MGAT4B: variants seen among roughly 807,000 people sequenced by gnomAD.
The protein encoded by MGAT4B is N-acetylglucosaminyltransferase IVb.
MGAT4B carries 38 observed loss-of-function variants against 73.9 expected under a neutral mutation model. The observed-to-expected ratio is 0.51, with a 90% CI of 0.40 to 0.67. The LOEUF (loss-of-function observed/expected upper bound fraction) is 0.67. MGAT4B is among the 30% of genes least tolerant of loss of function. The pLI, the probability that MGAT4B is intolerant of heterozygous loss-of-function variation, is 0.00. For missense variants in MGAT4B, 686 were observed against 735.2 expected (o/e 0.93, Z 0.77); for synonymous variants, 373 against 313.5 (o/e 1.19, Z -2.01).
In MGAT4B at chr5:179,806,518, C is replaced by T. The variant is rs758517604; in HGVS notation, c.66G>A (p.Leu22=). ...GGCCGCTGAGTGCCGCGTACCAGGA[C>T]AGCGAGAGGAAGGCGCACAGGCAGA... ...LLFCLCAFLS[L]SWYAALSGQK... is the part of the protein sequence containing the mutation. The change falls in exon 1 of 15, where the codon CTG becomes CTA. Residue 22 remains leucine (L), a synonymous_variant. Transcript: ENST00000292591. This position sits in a 1 kb window ranked among gnomAD's most constrained non-coding sequence, Gnocchi z 4.6. The T allele has an allele frequency of 9.0e-6, 12 of 1,338,946 alleles. No individual in the cohort carries two copies. The South Asian group carries it at 1.4e-4, about 16-fold the overall frequency. 82.9% of individuals were successfully genotyped at this position (1,338,946 alleles called of 1,614,324 possible).
Position 179,797,890 on chromosome 5 carries a change from C to G in MGAT4B, c.*155G>C. Reference sequence around the variant, plus strand: ...GGGGCAGCACCAGCTCCTAGGGCCTCCGGGCCAGCGGCGGACCCCAGGCCG... The same window carrying G: ...GGGGCAGCACCAGCTCCTAGGGCCTGCGGGCCAGCGGCGGACCCCAGGCCG... On this transcript the variant is annotated 3_prime_UTR_variant, in exon 15 of 15. Transcript: ENST00000292591. 9.0e-7 allele frequency: 1 copy of G among 1,110,708 alleles called. No homozygotes were observed. The highest frequency in any genetic ancestry group is 1.3e-6 in the Non-Finnish European group (1 of 781,474). The allele number at this position is 1,110,708 out of a possible 1,614,324, so 68.8% of individuals were successfully genotyped here. A position where few individuals can be genotyped will look rare whatever the true frequency, so the allele number is the denominator to read the frequency against.
chr5:179,801,690 G>A lies in MGAT4B; in HGVS notation c.288C>T (p.Asp96=), dbSNP rs376000541. The A allele has an allele frequency of 1.4e-5, 23 of 1,608,468 alleles. No individual in the cohort carries two copies. The highest frequency in any genetic ancestry group is 2.2e-5 in the East Asian group (1 of 44,662). ...GNRTWGRLTE[D]PRLKPWNGSH... is the part of the protein sequence containing the mutation. ...AGCCGTTCCACGGCTTCAATCGGGG[G>A]TCCTCTGGGTGGGTCGGGAAGGATC... is the stretch of plus-strand genomic sequence containing the variant. Residue 96 remains aspartate (D), a synonymous_variant, in exon 3 of 15, where the codon GAC becomes GAT. Coordinates refer to ENST00000292591, the MANE Select transcript of MGAT4B (RefSeq NM_014275.5). This position sits in a 1 kb window ranked among gnomAD's most constrained non-coding sequence, Gnocchi z 4.8.
chr5:179,803,699 G>A (rs907157370), intron 1 of MGAT4B: 3 of 152,284 alleles, frequency 2.0e-5, no homozygotes, highest in South Asian at 2.1e-4. Flanking sequence ...AACAGCCTGC[G>A]CCTTACCCTC....
rs375351182 is a variant in MGAT4B at position 179,801,638 on chromosome 5, T to C, written c.340A>G (p.Thr114Ala). Residue 114 changes from threonine (T) to alanine (A), a missense_variant, in exon 3 of 15, where the codon ACC (threonine) becomes GCC (alanine). Physicochemically the swap from Thr to Ala is moderately conservative, Grantham distance 58. Around this residue, in one of 2 missense-constraint regions of MGAT4B, gnomAD observed 237 missense variants for 198.5 expected, o/e 1.19. Coordinates refer to ENST00000292591, the MANE Select transcript of MGAT4B (RefSeq NM_014275.5). The surrounding 1 kb of genome is among the most constrained non-coding windows in gnomAD (Gnocchi z 4.8). The part of the protein sequence containing the change: ...GSHRHVLHLP[T>A]VFHHLPHLLA... ...AGGTGTGGCAGGTGATGGAAGACGGTGGGCAGGTGCAGCACGTGCCGGTGT... is the reference window on the plus strand; with the variant it reads ...AGGTGTGGCAGGTGATGGAAGACGGCGGGCAGGTGCAGCACGTGCCGGTGT... The C allele has an allele frequency of 8.7e-6, 14 of 1,605,244 alleles. No homozygotes were observed. The highest frequency in any genetic ancestry group is 1.2e-5 in the Non-Finnish European group (14 of 1,177,632).
In MGAT4B at chr5:179,800,889, G is replaced by A. The variant is rs917180963; in HGVS notation, c.605+18C>T. 7.4e-6 allele frequency: 12 copies of A among 1,612,698 alleles called. No homozygotes were observed. Among genetic ancestry groups the A allele is most frequent in the Middle Eastern group, 1.6e-4 (1 of 6,082 alleles). ...CGAGCTCTCCCGCCACCAGCTCTCT[G>A]GGGTCGCCAGTACTCACAAGGCCTT... On this transcript the variant is annotated intron_variant, in intron 5 of 14. Transcript: ENST00000292591.
rs1362645556 is a variant in MGAT4B at position 179,799,296 on chromosome 5, C to T, written c.1056G>A (p.Arg352=). Residue 352 remains arginine, a synonymous_variant, in exon 10 of 15, where the codon CGG becomes CGA. Coordinates refer to ENST00000292591, the MANE Select transcript of MGAT4B (RefSeq NM_014275.5). ...AGCGGATCCGCAGGTTGGCTTTCTG[C>T]CGGTCACAGTGCTTCTGTGGAGGGT... The part of the protein sequence containing the change: ...NPEKDAKHCD[R]QKANLRIRFK... The T allele has an allele frequency of 1.2e-6, 2 of 1,613,676 alleles. No individual in the cohort carries two copies. The highest frequency in any genetic ancestry group is 2.7e-5 in the African/African-American group (2 of 75,058).
chr5:179,801,706 G>A lies in MGAT4B; in HGVS notation c.284-12C>T, dbSNP rs367743938. 2.7e-5 allele frequency: 43 copies of A among 1,605,674 alleles called. No homozygotes were observed. In the African/African-American group the frequency reaches 3.2e-4, roughly 12 times the overall value. ...CAATCGGGGGTCCTCTGGGTGGGTC[G>A]GGAAGGATCGGGACTGAGACCAGGG... On this transcript the variant is annotated splice_polypyrimidine_tract_variant and intron_variant, in intron 2 of 14. Transcript: ENST00000292591. This position sits in a 1 kb window ranked among gnomAD's most constrained non-coding sequence, Gnocchi z 4.8.
Position 179,798,086 on chromosome 5 carries a change from AG to A in MGAT4B, c.1624-19del. The A allele has an allele frequency of 6.2e-7, 1 of 1,607,936 alleles. No individual in the cohort carries two copies. The highest frequency in any genetic ancestry group is 8.5e-7 in the Non-Finnish European group (1 of 1,177,768). On this transcript the variant is annotated intron_variant, in intron 14 of 14. Transcript: ENST00000292591. The stretch of plus-strand genomic sequence containing the variant: ...AGGAAGATCTGGAAGAGCCGGACCC[AG>A]GGTCAGCAGGGCCTCTGAGCTCCGC...
In MGAT4B at chr5:179,801,043, C is replaced by CTGAAGGGAGG. The variant is rs1468842494; in HGVS notation, c.559-91_559-90insCCTCCCTTCA. 4.7e-6 allele frequency: 7 copies of CTGAAGGGAGG among 1,492,298 alleles called. No homozygotes were observed. The highest frequency in any genetic ancestry group is 6.5e-6 in the Non-Finnish European group (7 of 1,077,146). The allele number at this position is 1,492,298 out of a possible 1,614,324, so 92.4% of individuals were successfully genotyped here. On this transcript the variant is annotated intron_variant, in intron 4 of 14. Transcript: ENST00000292591. The surrounding 1 kb of genome is among the most constrained non-coding windows in gnomAD (Gnocchi z 4.8). ...GAGAAGGGGCACAGGCTTCAGATGC[C>CTGAAGGGAGG]CCCCACGTGGAGGGAGTGAGCCTGC...
rs772626729 is a variant in MGAT4B at position 179,801,807 on chromosome 5, T to C, written c.260A>G (p.Asn87Ser). ...ACCTGTTAGGCGGCCCCAGGTGCGATTGCCGTCTCCGTCTCGCAGCGCCTG... is the reference window on the plus strand; with the variant it reads ...ACCTGTTAGGCGGCCCCAGGTGCGACTGCCGTCTCCGTCTCGCAGCGCCTG... ...ERQALRDGDGNRTWGRLTEDP... is the reference protein window; with the variant it reads ...ERQALRDGDGSRTWGRLTEDP... The change falls in exon 2 of 15, where the codon AAT becomes AGT. Residue 87 changes from asparagine (N) to serine (S), a missense_variant. By Grantham distance (46) the Asn-to-Ser change is conservative (BLOSUM62 1). Transcript: ENST00000292591. The surrounding 1 kb of genome is among the most constrained non-coding windows in gnomAD (Gnocchi z 4.8). The C allele has an allele frequency of 2.5e-5, 40 of 1,597,746 alleles. No individual in the cohort carries two copies. Among genetic ancestry groups the C allele is most frequent in the African/African-American group, 6.7e-5 (5 of 74,526 alleles).
Position 179,797,909 on chromosome 5 carries a change from C to G in MGAT4B, c.*136G>C. On this transcript the variant is annotated 3_prime_UTR_variant, in exon 15 of 15. Coordinates refer to ENST00000292591, the MANE Select transcript of MGAT4B (RefSeq NM_014275.5). ...GGGCCTCCGGGCCAGCGGCGGACCCCAGGCCGGCCCAAGCCCGACGCCAGG... is the reference window on the plus strand; with the variant it reads ...GGGCCTCCGGGCCAGCGGCGGACCCGAGGCCGGCCCAAGCCCGACGCCAGG... The G allele has an allele frequency of 7.7e-7, 1 of 1,296,740 alleles. No individual in the cohort carries two copies. Among genetic ancestry groups the G allele is most frequent in the South Asian group, 1.3e-5 (1 of 74,686 alleles). 80.3% of individuals were successfully genotyped at this position (1,296,740 alleles called of 1,614,324 possible).
intron 5 of MGAT4B, 86 bp from the exon 6 acceptor site, chr5:179,800,683 C>A: frequency 8.7e-7 from 1 of 1,148,606 alleles, no homozygotes; most frequent in Non-Finnish European, 1.3e-6. Flanking sequence ...TTTCTTGAGG[C>A]TCACCCAGTG....
intron 8 of MGAT4B, 99 bp downstream of exon 8, chr5:179,799,855 C>A (rs1488128750): frequency 1.5e-6 from 2 of 1,344,656 alleles, no homozygotes; most frequent in Non-Finnish European, 2.1e-6. Context: ...GCAGGGCCCA[C>A]CTGGGCAAAG....
chr5:179,799,000 A>T lies in MGAT4B; in HGVS notation c.1271T>A (p.Phe424Tyr). Residue 424 changes from phenylalanine to tyrosine, a missense_variant, in exon 11 of 15, where the codon TTC becomes TAC. Phe to Tyr is a conservative substitution (Grantham distance 22). This residue lies in a region of MGAT4B where 449 missense variants were observed against 536.8 expected (regional missense o/e 0.84). Coordinates refer to ENST00000292591, the MANE Select transcript of MGAT4B (RefSeq NM_014275.5). ...CGCGGCAGGGGTGAAGGCCCAGAAG[A>T]AGTCCTCGCGCAGGTAGGCTTTCTC... Reference protein sequence around the residue: ...TLEKAYLREDFFWAFTPAAGD... With the variant: ...TLEKAYLREDYFWAFTPAAGD... 1 of 1,613,830 alleles carries T rather than the reference A, an allele frequency of 6.2e-7. No homozygotes were observed. The highest frequency in any genetic ancestry group is 2.2e-5 in the East Asian group (1 of 44,884).
In MGAT4B at chr5:179,806,450, G is replaced by A; in HGVS notation, c.97+37C>T. 1.7e-6 allele frequency: 2 copies of A among 1,199,382 alleles called. No homozygotes were observed. The highest frequency in any genetic ancestry group is 2.1e-6 in the Non-Finnish European group (2 of 941,620). 74.3% of individuals were successfully genotyped at this position (1,199,382 alleles called of 1,614,324 possible). On this transcript the variant is annotated intron_variant, in intron 1 of 14. Coordinates refer to ENST00000292591, the MANE Select transcript of MGAT4B (RefSeq NM_014275.5). This position sits in a 1 kb window ranked among gnomAD's most constrained non-coding sequence, Gnocchi z 4.6. ...GCCCGCTCCCGCCGCCGACGCCCAG[G>A]TGCGCCAGGTGCGGGCCGGGCGGGG... is the stretch of plus-strand genomic sequence containing the variant.
rs1047960020 is a variant in MGAT4B, at chr5:179,799,577, G to C, written c.970C>G (p.Arg324Gly). Reference sequence around the variant, plus strand: ...AGGAGCCAGTCGATGGGCTTGTCCCGGTAGAACATGAGAATGAACTCTACA... The same window carrying C: ...AGGAGCCAGTCGATGGGCTTGTCCCCGTAGAACATGAGAATGAACTCTACA... ...LIVEFILMFY[R>G]DKPIDWLLDH... Residue 324 changes from arginine to glycine, a missense_variant, in exon 9 of 15, where the codon CGG (arginine) becomes GGG (glycine). This residue lies in a region of MGAT4B where 449 missense variants were observed against 536.8 expected (regional missense o/e 0.84). Coordinates refer to ENST00000292591, the MANE Select transcript of MGAT4B (RefSeq NM_014275.5). The C allele has an allele frequency of 6.2e-7, 1 of 1,613,958 alleles. No individual in the cohort carries two copies. The highest frequency in any genetic ancestry group is 1.1e-5 in the South Asian group (1 of 91,086).
Position 179,801,922 on chromosome 5 carries a change from G to T in MGAT4B, c.145C>A (p.Arg49=). The change falls in exon 2 of 15, where the codon CGG becomes AGG. Residue 49 remains arginine (R), a synonymous_variant. Transcript: ENST00000292591. The surrounding 1 kb of genome is among the most constrained non-coding windows in gnomAD (Gnocchi z 4.8). ...CTCTCCTGCTCAGCTGCGTGCAACC[G>T]ATCGCGCAGCGCCAGGAACTCCCGC... The part of the protein sequence containing the change: ...YQREFLALRD[R]LHAAEQESLK... 6.2e-7 allele frequency: 1 copy of T among 1,613,310 alleles called. No individual in the cohort carries two copies. Among genetic ancestry groups the T allele is most frequent in the Non-Finnish European group, 8.5e-7 (1 of 1,179,980 alleles).
Position 179,802,380 on chromosome 5 carries a change from A to G in MGAT4B, c.98-411T>C. 3.2e-6 allele frequency: 4 copies of G among 1,262,434 alleles called. 1 individual carries two copies. The South Asian group carries it at 9.1e-5, about 29-fold the overall frequency. 78.2% of individuals were successfully genotyped at this position (1,262,434 alleles called of 1,614,324 possible). On this transcript the variant is annotated intron_variant, in intron 1 of 14. Transcript: ENST00000292591. ...CTCCCTCCAGCGGGTGGGCTACCCA[A>G]GGTCCTGGTGCTAGCTCTTCACTGT...
In MGAT4B at chr5:179,797,672, A is replaced by T. The variant is rs1264206862; in HGVS notation, c.*373T>A. The T allele has an allele frequency of 5.0e-6, 1 of 201,714 alleles. No homozygotes were observed. Among genetic ancestry groups the T allele is most frequent in the South Asian group, 1.1e-4 (1 of 9,340 alleles). The allele number at this position is 201,714 out of a possible 1,614,324, so 12.5% of individuals were successfully genotyped here. A position where few individuals can be genotyped will look rare whatever the true frequency, so the allele number is the denominator to read the frequency against. ...AAGTATATGTGGACTTACGTGAAAA[A>T]ATCAAATGTATCCAAGAATAAAAAA... On this transcript the variant is annotated 3_prime_UTR_variant, in exon 15 of 15. Transcript: ENST00000292591.
Sources: gnomAD v4.1 joint callset for allele counts on GRCh38, gnomAD v4.1.1 for gene constraint, gnomAD v4.1.1 regional missense constraint, Gnocchi (gnomAD v3.1) non-coding constraint, MANE v1.5 for transcripts, NCBI Gene and HGNC (gene_info 2026-07-23, HGNC 2026-07-21) for gene names.